Variants in DPP10 observed in about 807,000 individuals in gnomAD.
DPP10 encodes the protein inactive dipeptidyl peptidase 10.
In DPP10, 33 loss-of-function variants were observed where a neutral mutation model predicts 120.9. The observed-to-expected ratio is 0.27, with a 90% confidence interval of 0.21 to 0.37. The LOEUF is 0.37. DPP10 is among the 10% of genes least tolerant of loss of function. The pLI is 1.00. For synonymous variants in DPP10, 337 were observed against 326.1 expected (o/e 1.03, Z -0.36); for missense variants, 816 against 942.8 (o/e 0.87, Z 1.76).
At chr2:115,480,925 A>G (rs920174265) in intron 3 of DPP10, among the ~76,000 whole-genome samples, 3 of 152,188 alleles carry the variant, frequency 2.0e-5, no homozygotes, top group Admixed American at 1.3e-4. Context: ...CTTTAGGTCC[A>G]GATCTTTAGC....
rs543686753 is a variant in DPP10, at chr2:115,745,154, A to G, written c.853-932A>G. On this transcript the variant is annotated intron_variant, in intron 9 of 25. Coordinates refer to ENST00000410059, the MANE Select transcript of DPP10 (RefSeq NM_020868.6). ...ACTTTGAAGGCCATTGTGTTGGAAC[A>G]AACAGAAAGCGCAATATTCGCATTG... is the stretch of plus-strand genomic sequence containing the variant. Among the ~76,000 whole-genome samples, 7 of 150,704 alleles carry G rather than the reference A, an allele frequency of 4.6e-5. No individual in the cohort carries two copies. In the South Asian group the frequency reaches 1.5e-3, roughly 31 times the overall value.
At chr2:115,380,232 G>T (rs1242340569) in intron 3 of DPP10, among the ~76,000 whole-genome samples, 1 of 152,118 alleles carries the variant, frequency 6.6e-6, no homozygotes, top group East Asian at 1.9e-4. Context: ...GAACATGGGT[G>T]CTCCTGTATT....
chr2:114,603,555 C>T (rs1025720649), intron 1 of DPP10, among the ~76,000 whole-genome samples: 26 of 152,026 alleles, frequency 1.7e-4, no homozygotes, highest in Non-Finnish European at 3.8e-4. Flanking sequence ...TGACCTCCCA[C>T]CATTCCTTAT....
chr2:115,428,717 C>G (rs924480328), intron 3 of DPP10, among the ~76,000 whole-genome samples: 8 of 152,178 alleles, frequency 5.3e-5, no homozygotes, highest in Admixed American at 5.2e-4. Context: ...AGAAATAGCA[C>G]TTGAACATAA....
At chr2:114,834,912 C>A (rs552034042) in intron 1 of DPP10, among the ~76,000 whole-genome samples, 31 of 147,508 alleles carry the variant, frequency 2.1e-4, no homozygotes, top group Admixed American at 2.6e-4. Flanking sequence ...TATCTACACA[C>A]CTATGTATAT....
At chr2:114,547,587 G>A (rs1175371628) in intron 1 of DPP10, among the ~76,000 whole-genome samples, 1 of 152,036 alleles carries the variant, frequency 6.6e-6, no homozygotes, top group African/African-American at 2.4e-5. Context: ...GTATCCATCA[G>A]AGTAATGGTT....
At chr2:115,242,674 T>G (rs1216315297) in intron 1 of DPP10, among the ~76,000 whole-genome samples, 1 of 143,488 alleles carries the variant, frequency 7.0e-6, no homozygotes, top group African/African-American at 2.6e-5. Context: ...CAACATCTAT[T>G]TTTTTTTTTT....
At chr2:115,141,381 T>C (rs2050919068) in intron 1 of DPP10, among the ~76,000 whole-genome samples, 1 of 152,208 alleles carries the variant, frequency 6.6e-6, no homozygotes, top group Non-Finnish European at 1.5e-5. Flanking sequence ...CATATTATCT[T>C]AATTGATCTT....
chr2:114,898,556 G>C (rs766567856), intron 1 of DPP10, among the ~76,000 whole-genome samples: 4 of 151,982 alleles, frequency 2.6e-5, no homozygotes, highest in Non-Finnish European at 5.9e-5. Flanking sequence ...TAGTTTCAGG[G>C]CTTGGAATGG....
intron 2 of DPP10, among the ~76,000 whole-genome samples, chr2:115,339,123 G>T (rs1235813570): frequency 6.6e-6 from 1 of 152,070 alleles, no homozygotes; most frequent in African/African-American, 2.4e-5. Context: ...ACACACCAAC[G>T]AAATAATTCA....
chr2:114,753,581 C>T (rs191130776), intron 1 of DPP10, among the ~76,000 whole-genome samples: 1 of 152,136 alleles, frequency 6.6e-6, no homozygotes, highest in East Asian at 1.9e-4. Flanking sequence ...TGTACTTGCT[C>T]TTAGAAAACC....
chr2:115,612,314 A>G (rs376787229), intron 5 of DPP10, among the ~76,000 whole-genome samples: 2 of 152,224 alleles, frequency 1.3e-5, no homozygotes, highest in Non-Finnish European at 2.9e-5. Flanking sequence ...ATGGAAAGCC[A>G]TTCTGGAAAG....
intron 1 of DPP10, among the ~76,000 whole-genome samples, chr2:114,655,504 T>A (rs1696902018): frequency 6.6e-6 from 1 of 152,186 alleles, no homozygotes; most frequent in Non-Finnish European, 1.5e-5. Flanking sequence ...AGATTAATCC[T>A]TCCTTGACTA....
chr2:115,827,929 A>G (rs990460296), intron 21 of DPP10, among the ~76,000 whole-genome samples: 4 of 152,106 alleles, frequency 2.6e-5, no homozygotes, highest in Non-Finnish European at 5.9e-5. Context: ...AAATTTAAAT[A>G]TAGTGTTTAA....
At chr2:114,711,208 T>C (rs763003522) in intron 1 of DPP10, among the ~76,000 whole-genome samples, 14 of 152,304 alleles carry the variant, frequency 9.2e-5, no homozygotes, top group Non-Finnish European at 1.6e-4. Context: ...GCATAGACAA[T>C]AATTGTAGCA....
rs148500597 is a variant in DPP10 at position 114,708,858 on chromosome 2, C to T, written c.60+266020C>T. ...GCAACCTCTGACTCCTGGGTTCAAGCGATTCTCCGGCCTCAGCCTTCTGAA... is the reference window on the plus strand; with the variant it reads ...GCAACCTCTGACTCCTGGGTTCAAGTGATTCTCCGGCCTCAGCCTTCTGAA... On this transcript the variant is annotated intron_variant, in intron 1 of 25. Coordinates refer to ENST00000410059, the MANE Select transcript of DPP10 (RefSeq NM_020868.6). 8.0e-3 allele frequency among the ~76,000 whole-genome samples: 1,211 copies of T among 152,216 alleles called. 15 individuals are homozygous for T. The highest frequency in any genetic ancestry group is 0.027 in the African/African-American group (1,126 of 41,526).
intron 3 of DPP10, among the ~76,000 whole-genome samples, chr2:115,486,280 C>T (rs548632030): frequency 1.8e-4 from 27 of 151,958 alleles, no homozygotes; most frequent in Non-Finnish European, 3.5e-4. Context: ...AGTAACATAT[C>T]CATCTGTCCA....
chr2:115,537,458 C>CT (rs1422163261), intron 5 of DPP10, among the ~76,000 whole-genome samples: 1 of 151,418 alleles, frequency 6.6e-6, no homozygotes, highest in African/African-American at 2.4e-5. Context: ...GCAGTTTTCT[C>CT]TATTATAAGG....
At chr2:114,619,667 A>C (rs1693948173) in intron 1 of DPP10, among the ~76,000 whole-genome samples, 1 of 151,816 alleles carries the variant, frequency 6.6e-6, no homozygotes, top group Non-Finnish European at 1.5e-5. Flanking sequence ...ATATCTCACC[A>C]CTCTACCACA....
Sources: gnomAD v4.1 joint callset for allele counts (sites outside exome capture counted in the v4.1 genomes callset) on GRCh38, gnomAD v4.1.1 for gene constraint, MANE v1.5 for transcripts, NCBI Gene and HGNC (gene_info 2026-07-23, HGNC 2026-07-21) for gene names.